The following UMAD1 variants were observed in gnomAD, a reference collection of about 807,000 sequenced individuals.
The protein encoded by UMAD1 is UBAP1-MVB12-associated (UMA)-domain containing protein 1.
UMAD1 carries 8 observed loss-of-function variants against 6.1 expected under a neutral mutation model. That is an observed-to-expected ratio of 1.30 (90% CI 0.76 to 2.35). The LOEUF is 2.35. UMAD1 is among the 30% of genes most tolerant of loss of function. The pLI is 0.00. For synonymous variants in UMAD1, 56 were observed against 31.4 expected (o/e 1.78, Z -2.61); for missense variants, 130 against 78.4 (o/e 1.66, Z -2.49).
intron 2 of UMAD1, among the ~76,000 whole-genome samples, chr7:7,755,776 C>T (rs13234665): frequency 0.064 from 9,782 of 152,112 alleles, 336 homozygotes; most frequent in African/African-American, 0.078. Context: ...TGGCTAAGTA[C>T]GTATGTAATG....
At chr7:7,853,181 G>C (rs980035760) in intron 3 of UMAD1, among the ~76,000 whole-genome samples, 7 of 152,164 alleles carry the variant, frequency 4.6e-5, no homozygotes, top group African/African-American at 1.7e-4. Flanking sequence ...CGATTTCATT[G>C]ATCTATATCT....
At chr7:7,874,403 A>G (rs1784380636) in intron 3 of UMAD1, among the ~76,000 whole-genome samples, 1 of 152,192 alleles carries the variant, frequency 6.6e-6, no homozygotes, top group Non-Finnish European at 1.5e-5. Context: ...CTTTCCAACA[A>G]TATGTTCTTC....
At chr7:7,779,177 G>C (rs141826096) in intron 2 of UMAD1, among the ~76,000 whole-genome samples, 4 of 152,288 alleles carry the variant, frequency 2.6e-5, no homozygotes, top group African/African-American at 7.2e-5. Context: ...GTGAGAGATA[G>C]GTTATCCTCT....
intron 2 of UMAD1, among the ~76,000 whole-genome samples, chr7:7,747,792 C>G (rs17137195): frequency 0.13 from 20,140 of 151,988 alleles, 2,174 homozygotes; most frequent in African/African-American, 0.3. Flanking sequence ...TCATTATTTT[C>G]AGTTTAACAA....
Position 7,877,683 on chromosome 7 carries a change from A to C in UMAD1, c.*145A>C. ...AAAATAGCATTATGTTCACTACTCT[A>C]TTTTTAAGAAAAAGGTACATTTGTA... On this transcript the variant is annotated 3_prime_UTR_variant, in exon 4 of 4. Transcript: ENST00000682710. The C allele has an allele frequency of 1.7e-6, 1 of 593,190 alleles. No individual in the cohort carries two copies. The highest frequency in any genetic ancestry group is 1.9e-5 in the African/African-American group (1 of 53,944). The allele number at this position is 593,190 out of a possible 1,614,324, so 36.7% of individuals were successfully genotyped here. A position where few individuals can be genotyped will look rare whatever the true frequency, so the allele number is the denominator to read the frequency against.
intron 2 of UMAD1, among the ~76,000 whole-genome samples, chr7:7,681,758 C>T (rs368893905): frequency 5.5e-4 from 84 of 152,146 alleles, no homozygotes; most frequent in African/African-American, 1.9e-3. Context: ...AGGGTTTTCT[C>T]CTGTTATGAC....
chr7:7,710,443 A>G (rs1361018126), intron 2 of UMAD1, among the ~76,000 whole-genome samples: 1 of 152,234 alleles, frequency 6.6e-6, no homozygotes, highest in Non-Finnish European at 1.5e-5. Flanking sequence ...GAGGATATAC[A>G]TATGGCAAAT....
Position 7,840,448 on chromosome 7 carries a change from G to A in UMAD1, c.157-36833G>A, listed in dbSNP as rs1783658008. 2.0e-5 allele frequency among the ~76,000 whole-genome samples: 3 copies of A among 151,734 alleles called. No individual in the cohort carries two copies. The South Asian group carries it at 6.2e-4, about 32-fold the overall frequency. On this transcript the variant is annotated intron_variant, in intron 3 of 3. Coordinates refer to ENST00000682710, the MANE Select transcript of UMAD1 (RefSeq NM_001302348.2). ...TCTCGGGAATTTATATTTTAAAAGA[G>A]CTCCCTGAGTGATTGTAGCGTGCAT...
chr7:7,681,532 G>A (rs1779912408), intron 2 of UMAD1, among the ~76,000 whole-genome samples: 1 of 152,126 alleles, frequency 6.6e-6, no homozygotes, highest in African/African-American at 2.4e-5. Flanking sequence ...AAAAGTTCTT[G>A]TAGAAAAACA....
chr7:7,808,956 C>T (rs1782975064), intron 3 of UMAD1, among the ~76,000 whole-genome samples: 1 of 151,844 alleles, frequency 6.6e-6, no homozygotes, highest in African/African-American at 2.4e-5. Context: ...TGACAGAAGA[C>T]ACAAAAATTA....
At chr7:7,865,203 A>G (rs1330616122) in intron 3 of UMAD1, among the ~76,000 whole-genome samples, 1 of 152,248 alleles carries the variant, frequency 6.6e-6, no homozygotes. Flanking sequence ...CTCGTCAGTC[A>G]AAAGTACCTG....
At chr7:7,690,930 C>T (rs747178621) in intron 2 of UMAD1, among the ~76,000 whole-genome samples, 55 of 151,994 alleles carry the variant, frequency 3.6e-4, no homozygotes, top group Admixed American at 2.6e-3. Flanking sequence ...GTTTTAGGTC[C>T]AGATATATTT....
chr7:7,752,996 A>G (rs1479648449), intron 2 of UMAD1, among the ~76,000 whole-genome samples: 1 of 152,184 alleles, frequency 6.6e-6, no homozygotes, highest in African/African-American at 2.4e-5. Flanking sequence ...TATATTTATT[A>G]TGTAGCATAC....
chr7:7,730,872 G>A (rs939609481), intron 2 of UMAD1, among the ~76,000 whole-genome samples: 8 of 151,532 alleles, frequency 5.3e-5, no homozygotes, highest in East Asian at 1.9e-4. Context: ...GGCAGTAGTC[G>A]GAGTGGAAGC....
chr7:7,718,002 G>T (rs917747398), intron 2 of UMAD1, among the ~76,000 whole-genome samples: 3 of 152,106 alleles, frequency 2.0e-5, no homozygotes, highest in Admixed American at 1.3e-4. Flanking sequence ...TAGAGTTTAG[G>T]GAAATCTAGT....
chr7:7,745,210 A>G (rs1164728119), intron 2 of UMAD1, among the ~76,000 whole-genome samples: 1 of 152,118 alleles, frequency 6.6e-6, no homozygotes, highest in Non-Finnish European at 1.5e-5. Context: ...TAGGGTGAAG[A>G]GGAGGAGGAA....
chr7:7,803,279 C>G (rs567895331), intron 3 of UMAD1, among the ~76,000 whole-genome samples: 54 of 152,090 alleles, frequency 3.6e-4, no homozygotes, highest in Admixed American at 1.4e-3. Flanking sequence ...AGTTTGAGAC[C>G]GGCCTGGGCA....
chr7:7,866,158 C>T (rs571943550), intron 3 of UMAD1, among the ~76,000 whole-genome samples: 1 of 152,198 alleles, frequency 6.6e-6, no homozygotes, highest in Admixed American at 6.5e-5. Context: ...TAATTCCTAA[C>T]TTATTTAGAA....
intron 3 of UMAD1, among the ~76,000 whole-genome samples, chr7:7,816,791 C>G (rs1051593089): frequency 7.2e-5 from 11 of 152,168 alleles, no homozygotes; most frequent in Non-Finnish European, 1.6e-4. Context: ...TTTCCTCTAC[C>G]TCCCCACTGC....
Sources: allele counts gnomAD v4.1 joint callset (sites outside exome capture counted in the v4.1 genomes callset), GRCh38; gene constraint gnomAD v4.1.1; transcripts MANE v1.5; gene names NCBI Gene and HGNC (gene_info 2026-07-23, HGNC 2026-07-21).